The following PDZD4 variants were observed in gnomAD, a reference collection of about 807,000 sequenced individuals.
PDZD4 encodes PDZ domain-containing protein 4.
In PDZD4, 9 loss-of-function variants were observed where a neutral mutation model predicts 38.5. The observed-to-expected ratio is 0.23, with a 90% CI of 0.14 to 0.41. The LOEUF (loss-of-function observed/expected upper bound fraction) is 0.41. Among genes scored for constraint, PDZD4 ranks in the 10% least tolerant of loss-of-function variants. The probability of loss-of-function intolerance (pLI) is 1.00; values close to 1 mark genes in which losing one functional copy is unlikely to be tolerated. For synonymous variants in PDZD4, 349 were observed against 315.7 expected (o/e 1.11, Z -1.12); for missense variants, 612 against 722.0 (o/e 0.85, Z 1.75).
intron 6 of PDZD4, 61 bp from the exon 7 acceptor site, chrX:153,805,268 T>G: frequency 9.8e-7 from 1 of 1,018,847 alleles, no homozygotes; most frequent in Admixed American, 2.2e-5. Flanking sequence ...ACCCTTCTTG[T>G]CTGCTCTGGA....
chrX:153,817,587 G>A (rs1259821258), intron 1 of PDZD4, among the ~76,000 whole-genome samples: 1 of 112,130 alleles, frequency 8.9e-6, no homozygotes, highest in Non-Finnish European at 1.9e-5. Flanking sequence ...TCCCTTTTGG[G>A]GCGATGAACC....
Position 153,807,366 on chromosome X carries a change from G to T in PDZD4, c.318C>A (p.Pro106=). Reference sequence around the variant, plus strand: ...GGTCATAATACTCATGGCTGATTGGGGGGCTGCCCAGGAGAAGGTGGGGGT... The same window carrying T: ...GGTCATAATACTCATGGCTGATTGGTGGGCTGCCCAGGAGAAGGTGGGGGT... ...ILEPYVLSEL[P]PISHEYYDPA... The change falls in exon 3 of 8, where the codon CCC becomes CCA. Residue 106 remains proline (P), a synonymous_variant. Transcript: ENST00000393758. 1 of 1,205,084 alleles carries T rather than the reference G, an allele frequency of 8.3e-7. No individual in the cohort carries two copies.
At chrX:153,817,357 G>A (rs1557080201) in intron 1 of PDZD4, among the ~76,000 whole-genome samples, 1 of 112,141 alleles carries the variant, frequency 8.9e-6, no homozygotes, top group Non-Finnish European at 1.9e-5. Flanking sequence ...AGTATCCATA[G>A]TAACCAAGAC....
At chrX:153,814,299 C>T (rs1042417257) in intron 1 of PDZD4, among the ~76,000 whole-genome samples, 2 of 111,420 alleles carry the variant, frequency 1.8e-5, no homozygotes, top group Non-Finnish European at 3.8e-5. Context: ...CACAGTGAAA[C>T]CCCGTCTCAA....
chrX:153,812,645 C>A (rs1420607217), intron 1 of PDZD4, among the ~76,000 whole-genome samples: 1 of 111,002 alleles, frequency 9.0e-6, no homozygotes, highest in Non-Finnish European at 1.9e-5. Context: ...TCATGCTGGA[C>A]CCCCAAGGAA....
intron 5 of PDZD4, 68 bp downstream of exon 5, chrX:153,806,001 TAA>T: frequency 9.0e-7 from 1 of 1,112,437 alleles, no homozygotes; most frequent in Admixed American, 2.2e-5. Flanking sequence ...AGGGACTGGC[TAA>T]AGAGAGGTGG....
At position 153,808,536 on chromosome X, in the gene PDZD4, G is replaced by A. The variant is rs782211717; in HGVS notation, c.120C>T (p.Ser40=). The change falls in exon 2 of 8, where the codon TCC becomes TCT. Residue 40 remains serine (S), a synonymous_variant. Transcript: ENST00000393758. ...SQEQTLQALR[S]SKEPLVIQVL... is the part of the protein sequence containing the mutation. The stretch of plus-strand genomic sequence containing the variant: ...CCTGGATCACCAGGGGCTCCTTGGA[G>A]GAGCGCAGGGCCTGCAGAGTTTGCT... The A allele has an allele frequency of 8.3e-7, 1 of 1,205,767 alleles. No homozygotes were observed. Among genetic ancestry groups the A allele is most frequent in the East Asian group, 3.0e-5 (1 of 33,752 alleles).
At chrX:153,825,374 C>T (rs1172144136) in intron 1 of PDZD4, among the ~76,000 whole-genome samples, 1 of 112,160 alleles carries the variant, frequency 8.9e-6, no homozygotes, top group Non-Finnish European at 1.9e-5. Context: ...ACAAGTTCAG[C>T]AGAGTGTGGA....
At chrX:153,812,375 CAG>C (rs1557078916) in intron 1 of PDZD4, among the ~76,000 whole-genome samples, 1 of 108,522 alleles carries the variant, frequency 9.2e-6, no homozygotes, top group Admixed American at 1.0e-4. Context: ...GCTCAGGTGA[CAG>C]AGATGACAGA....
chrX:153,807,875 A>C, intron 2 of PDZD4: 1 of 979,923 alleles, frequency 1.0e-6, no homozygotes, highest in South Asian at 2.0e-5. Context: ...GGCTAAGATT[A>C]GCAGAATGAG....
chrX:153,818,916 C>G (rs1557080569), intron 1 of PDZD4, among the ~76,000 whole-genome samples: 2 of 112,086 alleles, frequency 1.8e-5, no homozygotes, highest in Non-Finnish European at 3.8e-5. Flanking sequence ...GGGGGCAACA[C>G]CGGGCAGGCG....
At chrX:153,828,645 G>C (rs111527048) in intron 1 of PDZD4, among the ~76,000 whole-genome samples, 1,880 of 112,766 alleles carry the variant, frequency 0.017, 39 homozygotes, top group African/African-American at 0.058. Context: ...TTCAGGCCTG[G>C]GGTGCAGCTC....
chrX:153,829,338 C>G (rs1414941114), intron 1 of PDZD4, among the ~76,000 whole-genome samples: 1 of 110,558 alleles, frequency 9.0e-6, no homozygotes, highest in Non-Finnish European at 1.9e-5. Context: ...GGAGTTGAAT[C>G]CAGGCCACTA....
intron 1 of PDZD4, among the ~76,000 whole-genome samples, chrX:153,821,116 G>A (rs1390434370): frequency 2.7e-5 from 3 of 111,998 alleles, no homozygotes; most frequent in South Asian, 3.7e-4. Context: ...GGCTGCCCAC[G>A]CCCCCAACTG....
chrX:153,806,047 G>A, intron 5 of PDZD4, 24 bp downstream of exon 5: 3 of 1,210,404 alleles, frequency 2.5e-6, no homozygotes, highest in Non-Finnish European at 2.2e-6. Context: ...CCTTGGGCCA[G>A]GCCTGCAGCC....
chrX:153,817,383 G>T (rs781912658), intron 1 of PDZD4, among the ~76,000 whole-genome samples: 1 of 112,038 alleles, frequency 8.9e-6, no homozygotes, highest in Admixed American at 9.4e-5. Flanking sequence ...GGCAACCCGT[G>T]TCCACCAGTG....
chrX:153,805,490 G>A lies in PDZD4; in HGVS notation c.669+15C>T. Reference sequence around the variant, plus strand: ...TGATGTCGTGGCCCCGGGTCGCCCTGCCAGGCATACACACCTGACTCTCAG... The same window carrying A: ...TGATGTCGTGGCCCCGGGTCGCCCTACCAGGCATACACACCTGACTCTCAG... On this transcript the variant is annotated intron_variant, in intron 6 of 7. Coordinates refer to ENST00000393758, the MANE Select transcript of PDZD4 (RefSeq NM_001303512.2). The A allele has an allele frequency of 1.7e-6, 2 of 1,189,716 alleles. No individual in the cohort carries two copies. Among genetic ancestry groups the A allele is most frequent in the Non-Finnish European group, 2.3e-6 (2 of 878,362 alleles).
At chrX:153,817,572 T>C (rs886599040) in intron 1 of PDZD4, among the ~76,000 whole-genome samples, 11 of 112,020 alleles carry the variant, frequency 9.8e-5, no homozygotes, top group African/African-American at 3.6e-4. Flanking sequence ...CTGAGGGATA[T>C]GAGGTCCCTT....
intron 1 of PDZD4, among the ~76,000 whole-genome samples, chrX:153,828,746 C>A (rs1352968786): frequency 8.9e-6 from 1 of 112,317 alleles, no homozygotes; most frequent in African/African-American, 3.2e-5. Context: ...AAAACGGCCC[C>A]GGAGGAATCG....
Sources: gnomAD v4.1 joint callset for allele counts (sites outside exome capture counted in the v4.1 genomes callset) on GRCh38, gnomAD v4.1.1 for gene constraint, MANE v1.5 for transcripts, NCBI Gene and HGNC (gene_info 2026-07-23, HGNC 2026-07-21) for gene names.